The following WDR18 variants were observed in gnomAD, a reference collection of about 807,000 sequenced individuals.
WDR18 encodes the protein WD repeat-containing protein 18.
A neutral mutation model predicts 49.6 loss-of-function variants in WDR18; 33 were observed. The ratio of observed to expected loss-of-function variants is 0.67; its 90% CI spans 0.50 to 0.89. The LOEUF (loss-of-function observed/expected upper bound fraction) is 0.89, where lower values mean the gene tolerates loss of function less well. Among genes scored for constraint, WDR18 ranks in the 40% least tolerant of loss-of-function variants. The pLI, the probability that WDR18 is intolerant of heterozygous loss-of-function variation, is 0.00. For missense variants in WDR18, 653 were observed against 593.6 expected (o/e 1.10, Z -1.04); for synonymous variants, 315 against 263.6 (o/e 1.19, Z -1.89).
Position 990,869 on chromosome 19 carries a change from G to A in WDR18, c.615G>A (p.Ser205=), listed in dbSNP as rs138241135. The change falls in exon 5 of 10, where the codon TCG becomes TCA. Residue 205 remains serine (S), a synonymous_variant. Coordinates refer to ENST00000585809, the MANE Select transcript of WDR18 (RefSeq NM_024100.4). ...DQTVKLWEVS[S]GELLLSVLFD... ...ACCCGCAGCTATGGGAGGTCTCCTCGGGGGAGCTGCTGCTCTCCGTCCTCT... is the reference window on the plus strand; with the variant it reads ...ACCCGCAGCTATGGGAGGTCTCCTCAGGGGAGCTGCTGCTCTCCGTCCTCT... 4.8e-4 allele frequency: 765 copies of A among 1,610,046 alleles called. 9 individuals are homozygous for A. The East Asian group carries it at 0.015, about 32-fold the overall frequency.
At chr19:989,974 G>T (rs892689757) in intron 3 of WDR18, 79 bp downstream of exon 3, 21 of 1,520,572 alleles carry the variant, frequency 1.4e-5, no homozygotes, top group Non-Finnish European at 1.8e-5. Flanking sequence ...AAGGCCCCTG[G>T]CGGGAAGGGG....
At chr19:993,083 G>A (rs973655482) in intron 8 of WDR18, among the ~76,000 whole-genome samples, 6 of 152,338 alleles carry the variant, frequency 3.9e-5, no homozygotes, top group Admixed American at 2.6e-4. Flanking sequence ...GACCGCCACC[G>A]TCTGGGCATC....
chr19:984,451 C>G lies in WDR18; in HGVS notation c.98C>G (p.Thr33Ser). The G allele has an allele frequency of 6.3e-7, 1 of 1,595,914 alleles. No individual in the cohort carries two copies. The change falls in exon 1 of 10, where the codon ACC (threonine) becomes AGC (serine). Residue 33 changes from threonine to serine, a missense_variant. Coordinates refer to ENST00000585809, the MANE Select transcript of WDR18 (RefSeq NM_024100.4). The part of the protein sequence containing the change: ...WELHSGANLL[T>S]YRGGQAGPRG... The stretch of plus-strand genomic sequence containing the variant: ...CTTCACTCGGGCGCCAACCTGCTCA[C>G]CTACCGCGGCGGCCAGGCGGGACCC...
At chr19:991,574 C>A (rs1474138576) in intron 7 of WDR18, among the ~76,000 whole-genome samples, 4 of 88,678 alleles carry the variant, frequency 4.5e-5, no homozygotes, top group Non-Finnish European at 9.0e-5. Flanking sequence ...CGGGGCGGGG[C>A]CTGGCTGGGA....
At chr19:987,838 T>TTTTTTTTTTTTTTTG (rs2038492108) in intron 2 of WDR18, among the ~76,000 whole-genome samples, 2 of 136,908 alleles carry the variant, frequency 1.5e-5, no homozygotes, top group African/African-American at 5.8e-5. Flanking sequence ...AGTTTTTTTT[T>TTTTTTTTTTTTTTTG]TTTTTTTTTT....
At chr19:992,621 C>T (rs936186136) in intron 8 of WDR18, among the ~76,000 whole-genome samples, 11 of 152,332 alleles carry the variant, frequency 7.2e-5, no homozygotes, top group African/African-American at 2.6e-4. Context: ...GCACCGACCC[C>T]CGCTCTGTGC....
At chr19:991,829 G>A in intron 7 of WDR18, 126 bp from the exon 8 acceptor site, 1 of 1,058,342 alleles carries the variant, frequency 9.4e-7, no homozygotes, top group East Asian at 4.3e-5. Context: ...CTGGCTGGGG[G>A]CGTGGACTGG....
intron 4 of WDR18, 43 bp from the exon 5 acceptor site, chr19:990,809 T>TC: frequency 6.4e-7 from 1 of 1,555,392 alleles, no homozygotes; most frequent in Non-Finnish European, 8.7e-7. Flanking sequence ...GTCCTCGGGT[T>TC]CCCCCTGCCG....
chr19:987,829 G>GTTTTTTTTGTTTTTTTTTTTTTTTT (rs2038490657), intron 2 of WDR18, among the ~76,000 whole-genome samples: 26 of 91,806 alleles, frequency 2.8e-4, no homozygotes, highest in African/African-American at 1.3e-3. Flanking sequence ...GCCGCCTCCA[G>GTTTTTTTTGTTTTTTTTTTTTTTTT]TTTTTTTTTT....
chr19:984,495 A>G lies in WDR18; in HGVS notation c.142A>G (p.Asn48Asp), dbSNP rs1319722879. 1 of 1,560,458 alleles carries G rather than the reference A, an allele frequency of 6.4e-7. No individual in the cohort carries two copies. The highest frequency in any genetic ancestry group is 1.4e-5 in the African/African-American group (1 of 72,140). ...GGGACCCCGCGGCCTGGCGCTGCTC[A>G]ATGGCGAGTATCTGCTGGCGGCGCA... ...QAGPRGLALL[N>D]GEYLLAAQLG... Residue 48 changes from asparagine (N) to aspartate (D), a missense_variant, in exon 1 of 10, where the codon AAT becomes GAT. Coordinates refer to ENST00000585809, the MANE Select transcript of WDR18 (RefSeq NM_024100.4).
intron 1 of WDR18, among the ~76,000 whole-genome samples, chr19:984,810 G>C (rs1465563842): frequency 6.6e-6 from 1 of 151,854 alleles, no homozygotes; most frequent in African/African-American, 2.4e-5. Context: ...GGGAAAATGG[G>C]AGACGCTCCG....
Position 984,535 on chromosome 19 carries a change from A to G in WDR18, c.182A>G (p.Tyr61Cys). ...YLLAAQLGKN[Y>C]ISAWELQRKD... ...CTGGCGGCGCAGCTGGGCAAGAATTACATCAGCGCCTGGGAGCTCCAGCGG... is the reference window on the plus strand; with the variant it reads ...CTGGCGGCGCAGCTGGGCAAGAATTGCATCAGCGCCTGGGAGCTCCAGCGG... The change falls in exon 1 of 10, where the codon TAC (tyrosine) becomes TGC (cysteine). Residue 61 changes from tyrosine to cysteine, a missense_variant. Coordinates refer to ENST00000585809, the MANE Select transcript of WDR18 (RefSeq NM_024100.4). 6.6e-7 allele frequency: 1 copy of G among 1,520,496 alleles called. No individual in the cohort carries two copies. 94.2% of individuals were successfully genotyped at this position (1,520,496 alleles called of 1,614,324 possible). A position where few individuals can be genotyped will look rare whatever the true frequency, so the allele number is the denominator to read the frequency against.
intron 1 of WDR18, 122 bp from the exon 2 acceptor site, chr19:985,743 C>A: frequency 8.3e-6 from 7 of 847,856 alleles, no homozygotes; most frequent in Non-Finnish European, 1.3e-5. Flanking sequence ...ACCCTGCTCC[C>A]GACTCCTCTT....
chr19:985,481 T>C (rs2038465200), intron 1 of WDR18, among the ~76,000 whole-genome samples: 1 of 152,132 alleles, frequency 6.6e-6, no homozygotes, highest in South Asian at 2.1e-4. Context: ...AGTTTTCCCA[T>C]TTTAGAGAGG....
At chr19:987,296 T>C (rs1416049607) in intron 2 of WDR18, among the ~76,000 whole-genome samples, 2 of 152,078 alleles carry the variant, frequency 1.3e-5, no homozygotes, top group East Asian at 3.8e-4. Flanking sequence ...TGAGATGAGA[T>C]TGTACCACTG....
chr19:994,079 C>G lies in WDR18; in HGVS notation c.1158C>G (p.Thr386=), dbSNP rs771225940. 1 of 1,558,592 alleles carries G rather than the reference C, an allele frequency of 6.4e-7. No homozygotes were observed. Among genetic ancestry groups the G allele is most frequent in the Non-Finnish European group, 8.7e-7 (1 of 1,152,734 alleles). Residue 386 remains threonine (T), a synonymous_variant, in exon 9 of 10, where the codon ACC becomes ACG. Coordinates refer to ENST00000585809, the MANE Select transcript of WDR18 (RefSeq NM_024100.4). Reference sequence around the variant, plus strand: ...AGCTGCAGGCCGTCCTGTGCAGCACCATGGAGAAGGTGGGCGGGGCCTCGG... The same window carrying G: ...AGCTGCAGGCCGTCCTGTGCAGCACGATGGAGAAGGTGGGCGGGGCCTCGG... ...TEQLQAVLCS[T]MEKSVLGGQD... is the part of the protein sequence containing the mutation.
intron 3 of WDR18, 47 bp downstream of exon 3, chr19:989,942 T>C: frequency 6.5e-7 from 1 of 1,549,510 alleles, no homozygotes; most frequent in Non-Finnish European, 8.7e-7. Context: ...GCACCCGGGC[T>C]CAGGCGGGGA....
At chr19:984,635 G>C in intron 1 of WDR18, 72 bp downstream of exon 1, 1 of 1,336,150 alleles carries the variant, frequency 7.5e-7, no homozygotes, top group Admixed American at 3.6e-5. Context: ...GGTTGGTGGG[G>C]GCCGCGTGCA....
At chr19:987,829 GTTTTTTTTTTT>G (rs71174337) in intron 2 of WDR18, among the ~76,000 whole-genome samples, 1 of 91,822 alleles carries the variant, frequency 1.1e-5, no homozygotes, top group Non-Finnish European at 2.0e-5. Context: ...GCCGCCTCCA[GTTTTTTTTTTT>G]TTTTTTTTTT....
Sources: allele counts gnomAD v4.1 joint callset (sites outside exome capture counted in the v4.1 genomes callset), GRCh38; gene constraint gnomAD v4.1.1; transcripts MANE v1.5; gene names NCBI Gene and HGNC (gene_info 2026-07-23, HGNC 2026-07-21).